BCAS4: variants seen among roughly 807,000 people sequenced by gnomAD.
BCAS4 encodes breast carcinoma-amplified sequence 4.
In BCAS4, 9 loss-of-function variants were observed where a neutral mutation model predicts 15.7. The ratio of observed to expected loss-of-function variants is 0.57; its 90% CI spans 0.34 to 1.00. The LOEUF (loss-of-function observed/expected upper bound fraction) is 1.00. Ranked by LOEUF, BCAS4 falls within the 50% of genes least tolerant of loss-of-function variation. BCAS4 has a pLI of 0.02. For synonymous variants in BCAS4, 101 were observed against 99.5 expected, an observed-to-expected ratio of 1.02 and a Z score of -0.09; for missense variants, 225 against 239.1, an observed-to-expected ratio of 0.94 and a Z score of 0.39.
chr20:50,830,330 G>T lies in BCAS4; in HGVS notation c.214G>T (p.Ala72Ser). Reference protein sequence around the residue: ...ILEENIPVLKAKLTEMRGIYA... With the variant: ...ILEENIPVLKSKLTEMRGIYA... ...GGAGGAAAACATCCCAGTCCTTAAG[G>T]CCAAACTGACAGAAATGCGTGGCAT... Residue 72 changes from alanine to serine, a missense_variant, in exon 3 of 5, where the codon GCC (alanine) becomes TCC (serine). Coordinates refer to ENST00000371608, the MANE Select transcript of BCAS4 (RefSeq NM_198799.4). The T allele has an allele frequency of 1.9e-6, 3 of 1,614,064 alleles. No homozygotes were observed. Among genetic ancestry groups the T allele is most frequent in the Non-Finnish European group, 1.7e-6 (2 of 1,179,968 alleles).
intron 3 of BCAS4, among the ~76,000 whole-genome samples, chr20:50,832,263 CT>C (rs796347635): frequency 2.8e-3 from 412 of 144,578 alleles, no homozygotes; most frequent in East Asian, 4.1e-3. Flanking sequence ...AAACAACACA[CT>C]TTTTTTTTTT....
chr20:50,823,728 G>T (rs530905017), intron 2 of BCAS4, among the ~76,000 whole-genome samples: 181 of 152,268 alleles, frequency 1.2e-3, no homozygotes, highest in African/African-American at 4.2e-3. Context: ...GATTCCACTA[G>T]TCTGAAGTTC....
chr20:50,805,233 C>T (rs1245030274), intron 1 of BCAS4, among the ~76,000 whole-genome samples: 1 of 152,126 alleles, frequency 6.6e-6, no homozygotes, highest in African/African-American at 2.4e-5. Flanking sequence ...AAACACTGCA[C>T]CCGTTATCTG....
intron 1 of BCAS4, among the ~76,000 whole-genome samples, chr20:50,809,350 C>T (rs532882141): frequency 6.6e-6 from 1 of 152,218 alleles, no homozygotes; most frequent in African/African-American, 2.4e-5. Context: ...GCTGGGATTA[C>T]AGGCATGCAC....
chr20:50,847,307 G>A (rs560953820), intron 4 of BCAS4, among the ~76,000 whole-genome samples: 7 of 152,060 alleles, frequency 4.6e-5, no homozygotes, highest in Admixed American at 1.3e-4. Context: ...AGTTGGTCTC[G>A]AACTCCTGAC....
At chr20:50,856,820 C>T (rs1204327185) in intron 4 of BCAS4, among the ~76,000 whole-genome samples, 2 of 152,086 alleles carry the variant, frequency 1.3e-5, no homozygotes, top group Non-Finnish European at 2.9e-5. Context: ...TATTGAGCAC[C>T]TACTGTGTGC....
intron 3 of BCAS4, among the ~76,000 whole-genome samples, chr20:50,837,048 G>A (rs1431649370): frequency 6.6e-6 from 1 of 152,142 alleles, no homozygotes; most frequent in Non-Finnish European, 1.5e-5. Flanking sequence ...ACAAGCCAGG[G>A]ACTATGAGTG....
Position 50,795,318 on chromosome 20 carries a change from G to T in BCAS4, c.90+145G>T, listed in dbSNP as rs924223342. 1.2e-5 allele frequency: 9 copies of T among 750,262 alleles called. No individual in the cohort carries two copies. The African/African-American group carries it at 1.5e-4, about 12-fold the overall frequency. The allele number at this position is 750,262 out of a possible 1,614,324, so 46.5% of individuals were successfully genotyped here. A position where few individuals can be genotyped will look rare whatever the true frequency, so the allele number is the denominator to read the frequency against. Reference sequence around the variant, plus strand: ...CCCCTTCCTGAAGGGTGGCTGCGGGGCGCCACGCAGAGATGTGCAGCGGGT... The same window carrying T: ...CCCCTTCCTGAAGGGTGGCTGCGGGTCGCCACGCAGAGATGTGCAGCGGGT... On this transcript the variant is annotated intron_variant, in intron 1 of 4. Transcript: ENST00000371608.
chr20:50,866,729 G>T (rs1014052826), intron 4 of BCAS4, among the ~76,000 whole-genome samples: 1 of 152,260 alleles, frequency 6.6e-6, no homozygotes, highest in South Asian at 2.1e-4. Context: ...ACAGCTCCGG[G>T]GGTGCCTGTG....
chr20:50,864,899 G>A (rs142125649), intron 4 of BCAS4, among the ~76,000 whole-genome samples: 3,764 of 151,540 alleles, frequency 0.025, 141 homozygotes, highest in African/African-American at 0.083. Flanking sequence ...TTTGAGACCA[G>A]CCTAGCCAAC....
intron 4 of BCAS4, among the ~76,000 whole-genome samples, chr20:50,875,045 T>C (rs1441817759): frequency 2.1e-5 from 3 of 145,084 alleles, no homozygotes; most frequent in Non-Finnish European, 4.7e-5. Flanking sequence ...GCCCTCTCCT[T>C]CTTCTGGTGC....
chr20:50,839,632 AGC>A (rs565127566), intron 3 of BCAS4, among the ~76,000 whole-genome samples: 10 of 152,192 alleles, frequency 6.6e-5, no homozygotes, highest in Non-Finnish European at 7.4e-5. Context: ...TCTCCCGAGT[AGC>A]TGGGAATACA....
chr20:50,872,212 C>T lies in BCAS4; in HGVS notation c.400-4274C>T, dbSNP rs191562852. ...CCGGAAGGCAGAGGCTTCGGTGAGCCAAGATTGCACCATTGCATTCCAGCC... is the reference window on the plus strand; with the variant it reads ...CCGGAAGGCAGAGGCTTCGGTGAGCTAAGATTGCACCATTGCATTCCAGCC... On this transcript the variant is annotated intron_variant, in intron 4 of 4. Transcript: ENST00000371608. 2.6e-4 allele frequency among the ~76,000 whole-genome samples: 35 copies of T among 137,128 alleles called. No homozygotes were observed. The South Asian group carries it at 7.4e-3, about 29-fold the overall frequency. The allele number at this position is 137,128 out of a possible 152,430, so 90.0% of individuals were successfully genotyped here. A position where few individuals can be genotyped will look rare whatever the true frequency, so the allele number is the denominator to read the frequency against.
Position 50,876,831 on chromosome 20 carries a change from T to C in BCAS4, c.*223T>C. On this transcript the variant is annotated 3_prime_UTR_variant, in exon 5 of 5. Transcript: ENST00000371608. ...AGTGGTGGGATTATGGGCAGGAGCCTCCGTGCCCAGGCTGCTGCCATTTTC... is the reference window on the plus strand; with the variant it reads ...AGTGGTGGGATTATGGGCAGGAGCCCCCGTGCCCAGGCTGCTGCCATTTTC... The C allele has an allele frequency of 2.4e-6, 1 of 419,394 alleles. No homozygotes were observed. The highest frequency in any genetic ancestry group is 5.1e-5 in the South Asian group (1 of 19,440). 26.0% of individuals were successfully genotyped at this position (419,394 alleles called of 1,614,324 possible). A position where few individuals can be genotyped will look rare whatever the true frequency, so the allele number is the denominator to read the frequency against.
intron 4 of BCAS4, among the ~76,000 whole-genome samples, chr20:50,869,990 C>T (rs1003335090): frequency 6.6e-6 from 1 of 152,138 alleles, no homozygotes; most frequent in Non-Finnish European, 1.5e-5. Flanking sequence ...CTCAGGTGAT[C>T]TGCCTGCCTC....
At chr20:50,795,341 G>T (rs973798633) in intron 1 of BCAS4, among the ~76,000 whole-genome samples, 168 bp downstream of exon 1, 16 of 152,178 alleles carry the variant, frequency 1.1e-4, no homozygotes, top group South Asian at 2.1e-4. Context: ...ATGTGCAGCG[G>T]GTCGTCCCTG....
chr20:50,833,864 T>C (rs548673416), intron 3 of BCAS4, among the ~76,000 whole-genome samples: 4 of 152,014 alleles, frequency 2.6e-5, no homozygotes, highest in East Asian at 1.9e-4. Flanking sequence ...GTGGGGTGGG[T>C]CAGCCGCAAG....
rs147981013 is a variant in BCAS4 at position 50,828,290 on chromosome 20, G to A, written c.163-1989G>A. Among the ~76,000 whole-genome samples, 272 of 152,108 alleles carry A rather than the reference G, an allele frequency of 1.8e-3. 3 individuals are homozygous for A. Among genetic ancestry groups the A allele is most frequent in the African/African-American group, 5.3e-3 (220 of 41,498 alleles). On this transcript the variant is annotated intron_variant, in intron 2 of 4. Coordinates refer to ENST00000371608, the MANE Select transcript of BCAS4 (RefSeq NM_198799.4). ...TGCTGTGACCAGAGGAGGGCTAGGC[G>A]TGGGGAGAGGCATGGAGGAGTTTGG... is the stretch of plus-strand genomic sequence containing the variant.
intron 4 of BCAS4, among the ~76,000 whole-genome samples, chr20:50,865,125 C>T (rs561178613): frequency 6.6e-6 from 1 of 152,272 alleles, no homozygotes; most frequent in Admixed American, 6.5e-5. Flanking sequence ...TAAAGATATA[C>T]TTGTGTGTCT....
Sources: gnomAD v4.1 joint callset for allele counts (sites outside exome capture counted in the v4.1 genomes callset) on GRCh38, gnomAD v4.1.1 for gene constraint, MANE v1.5 for transcripts, NCBI Gene and HGNC (gene_info 2026-07-23, HGNC 2026-07-21) for gene names.